The following NHSL2 variants were observed in gnomAD, a reference collection of about 807,000 sequenced individuals.
The protein encoded by NHSL2 is NHS-like protein 2.
In NHSL2, 27 loss-of-function variants were observed where a neutral mutation model predicts 53.4. The ratio of observed to expected loss-of-function variants is 0.51; its 90% CI spans 0.37 to 0.70. NHSL2 has a LOEUF of 0.70. Among genes scored for constraint, NHSL2 ranks in the 30% least tolerant of loss-of-function variants. NHSL2 has a pLI of 0.00. For synonymous variants in NHSL2, 408 were observed against 404.1 expected (o/e 1.01, Z -0.12); for missense variants, 892 against 980.1 (o/e 0.91, Z 1.20).
In NHSL2 at chrX:72,144,385, A is replaced by C. The variant is rs1252734357; in HGVS notation, c.*811A>C. The C allele has an allele frequency of 1.2e-5, 5 of 426,919 alleles. No homozygotes were observed. The Admixed American group carries it at 1.5e-4, about 13-fold the overall frequency. 35.2% of individuals were successfully genotyped at this position (426,919 alleles called of 1,213,427 possible). A position where few individuals can be genotyped will look rare whatever the true frequency, so the allele number is the denominator to read the frequency against. ...CGAGGTAACTCACAAGTGCACCTTGAGATCCTCCATGTGTCTGTCAACAGC... is the reference window on the plus strand; with the variant it reads ...CGAGGTAACTCACAAGTGCACCTTGCGATCCTCCATGTGTCTGTCAACAGC... On this transcript the variant is annotated 3_prime_UTR_variant, in exon 8 of 8. Coordinates refer to ENST00000633930, the MANE Select transcript of NHSL2 (RefSeq NM_001013627.3).
At chrX:72,109,461 TTTG>T (rs2042072467) in intron 1 of NHSL2, among the ~76,000 whole-genome samples, 1 of 110,517 alleles carries the variant, frequency 9.0e-6, no homozygotes, top group South Asian at 3.9e-4. Context: ...TCAGGCAGGT[TTTG>T]TTGTTGTTTG....
chrX:72,103,929 C>G (rs949374921), intron 1 of NHSL2, among the ~76,000 whole-genome samples: 1 of 112,737 alleles, frequency 8.9e-6, no homozygotes, highest in African/African-American at 3.2e-5. Context: ...ATGTGGGATG[C>G]GTGACATTCA....
chrX:72,084,933 C>A (rs761986687), intron 1 of NHSL2, among the ~76,000 whole-genome samples: 1 of 112,083 alleles, frequency 8.9e-6, no homozygotes, highest in South Asian at 3.7e-4. Context: ...CAGGGAACTT[C>A]TGGTATCACC....
At chrX:72,059,115 C>G (rs1322571690) in intron 1 of NHSL2, among the ~76,000 whole-genome samples, 1 of 111,389 alleles carries the variant, frequency 9.0e-6, no homozygotes, top group Non-Finnish European at 1.9e-5. Context: ...GGCAAGCTCT[C>G]TCCTCCTCAT....
intron 1 of NHSL2, among the ~76,000 whole-genome samples, chrX:71,963,570 A>G (rs982273523): frequency 9.0e-6 from 1 of 110,870 alleles, no homozygotes; most frequent in Admixed American, 9.7e-5. Flanking sequence ...ATTCAAAGAT[A>G]CAAATAGATT....
At position 72,140,370 on chromosome X, in the gene NHSL2, C is replaced by T; in HGVS notation, c.2822C>T (p.Ser941Leu). 8.3e-7 allele frequency: 1 copy of T among 1,211,242 alleles called. No homozygotes were observed. The highest frequency in any genetic ancestry group is 1.1e-6 in the Non-Finnish European group (1 of 895,190). Residue 941 changes from serine (S) to leucine (L), a missense_variant, in exon 6 of 8, where the codon TCA (serine) becomes TTA (leucine). Physicochemically the swap from Ser to Leu is moderately radical, Grantham distance 145. Coordinates refer to ENST00000633930, the MANE Select transcript of NHSL2 (RefSeq NM_001013627.3). The stretch of plus-strand genomic sequence containing the variant: ...CCAGATGGCAGAAGCCCAGGGGAGT[C>T]AACAGCACCCTCATCTCTTGTTTTC... ...SFPDGRSPGESTAPSSLVFTP... is the reference protein window; with the variant it reads ...SFPDGRSPGELTAPSSLVFTP...
At position 72,042,655 on chromosome X, in the gene NHSL2, G is replaced by A. The variant is rs576005915; in HGVS notation, c.281-89424G>A. Among the ~76,000 whole-genome samples, 14 of 109,470 alleles carry A rather than the reference G, an allele frequency of 1.3e-4. No individual in the cohort carries two copies. The Middle Eastern group carries it at 0.014, about 109-fold the overall frequency. Reference sequence around the variant, plus strand: ...TAGAACTGGACCACACCTAATTGTCGGCAGTAATGGGAGGAGCTTGAGGCA... The same window carrying A: ...TAGAACTGGACCACACCTAATTGTCAGCAGTAATGGGAGGAGCTTGAGGCA... On this transcript the variant is annotated intron_variant, in intron 1 of 7. Coordinates refer to ENST00000633930, the MANE Select transcript of NHSL2 (RefSeq NM_001013627.3).
chrX:72,013,325 A>G (rs1226958255), intron 1 of NHSL2, among the ~76,000 whole-genome samples: 1 of 111,786 alleles, frequency 8.9e-6, no homozygotes, highest in African/African-American at 3.3e-5. Flanking sequence ...TAATTTCAGC[A>G]TCCATGTGTT....
In NHSL2 at chrX:72,139,616, C is replaced by G; in HGVS notation, c.2068C>G (p.Leu690Val). 8.3e-7 allele frequency: 1 copy of G among 1,210,558 alleles called. No homozygotes were observed. The part of the protein sequence containing the change: ...STSRATTPSQ[L>V]SIEVEAREIS... Reference sequence around the variant, plus strand: ...CTCCAGAGCCACTACACCTTCCCAACTCTCCATTGAAGTGGAGGCCAGGGA... The same window carrying G: ...CTCCAGAGCCACTACACCTTCCCAAGTCTCCATTGAAGTGGAGGCCAGGGA... Residue 690 changes from leucine (L) to valine (V), a missense_variant, in exon 6 of 8, where the codon CTC becomes GTC. Transcript: ENST00000633930.
chrX:71,996,687 A>C (rs2042051402), intron 1 of NHSL2, among the ~76,000 whole-genome samples: 1 of 112,498 alleles, frequency 8.9e-6, no homozygotes, highest in Non-Finnish European at 1.9e-5. Flanking sequence ...AGTGCTGCCC[A>C]AGGTCCCATG....
intron 1 of NHSL2, among the ~76,000 whole-genome samples, chrX:72,076,149 T>C (rs955544360): frequency 9.0e-6 from 1 of 110,812 alleles, no homozygotes; most frequent in Non-Finnish European, 1.9e-5. Context: ...GTCAGGCTGG[T>C]CTCGAACTCC....
intron 1 of NHSL2, among the ~76,000 whole-genome samples, chrX:72,079,233 G>C (rs981468936): frequency 8.9e-6 from 1 of 112,840 alleles, no homozygotes; most frequent in African/African-American, 3.2e-5. Context: ...TCCAAACAAA[G>C]AGAAACAAAT....
At chrX:72,029,686 T>G (rs1327678919) in intron 1 of NHSL2, among the ~76,000 whole-genome samples, 1 of 112,988 alleles carries the variant, frequency 8.9e-6, no homozygotes, top group Non-Finnish European at 1.9e-5. Context: ...TCAGAGCTCC[T>G]GTCATTCCTT....
rs138013714 is a variant in NHSL2 at position 72,141,341 on chromosome X, T to A, written c.3223+570T>A. On this transcript the variant is annotated intron_variant, in intron 6 of 7. Coordinates refer to ENST00000633930, the MANE Select transcript of NHSL2 (RefSeq NM_001013627.3). ...GCTCTTCCTGGAACCATAAACATAA[T>A]ACATAATGCTTCTCATCCTTTCTTT... 285 of 123,943 alleles carry A rather than the reference T, an allele frequency of 2.3e-3. 1 individual carries two copies. The East Asian group carries it at 0.036, about 16-fold the overall frequency. The allele number at this position is 123,943 out of a possible 1,213,427, so 10.2% of individuals were successfully genotyped here.
At chrX:72,063,385 C>T (rs918469115) in intron 1 of NHSL2, among the ~76,000 whole-genome samples, 5 of 111,859 alleles carry the variant, frequency 4.5e-5, no homozygotes, top group African/African-American at 1.6e-4. Context: ...AAAAAATAAA[C>T]TTTGTATGGG....
At chrX:72,028,481 G>A (rs763708347) in intron 1 of NHSL2, among the ~76,000 whole-genome samples, 2 of 111,894 alleles carry the variant, frequency 1.8e-5, no homozygotes, top group Middle Eastern at 9.1e-3. Flanking sequence ...ATTGGTGCCC[G>A]TCACTGGTGT....
intron 1 of NHSL2, among the ~76,000 whole-genome samples, chrX:71,934,546 C>T (rs1054942986): frequency 4.5e-5 from 5 of 111,951 alleles, no homozygotes; most frequent in Admixed American, 3.8e-4. Flanking sequence ...TGAACATGTG[C>T]TTCCATGGCA....
chrX:72,051,560 C>A (rs1602333030), intron 1 of NHSL2, among the ~76,000 whole-genome samples: 1 of 111,293 alleles, frequency 9.0e-6, no homozygotes, highest in South Asian at 3.8e-4. Flanking sequence ...GTGATCATCT[C>A]CTATCCAGCC....
intron 1 of NHSL2, among the ~76,000 whole-genome samples, chrX:71,937,642 T>A (rs2041745742): frequency 8.9e-6 from 1 of 112,319 alleles, no homozygotes; most frequent in Non-Finnish European, 1.9e-5. Flanking sequence ...GTCATTTTGA[T>A]AAATGATTGT....
Sources: gnomAD v4.1 joint callset for allele counts (sites outside exome capture counted in the v4.1 genomes callset) on GRCh38, gnomAD v4.1.1 for gene constraint, MANE v1.5 for transcripts, NCBI Gene and HGNC (gene_info 2026-07-23, HGNC 2026-07-21) for gene names.